The following DOCK3 variants were observed in gnomAD, a reference collection of about 807,000 sequenced individuals.
The protein encoded by DOCK3 is dedicator of cytokinesis protein 3.
A neutral mutation model predicts 265.6 loss-of-function variants in DOCK3; 60 were observed. That is an observed-to-expected ratio of 0.23 (90% confidence interval 0.18 to 0.28). The LOEUF (loss-of-function observed/expected upper bound fraction) is 0.28, where lower values mean the gene tolerates loss of function less well. DOCK3 is among the 10% of genes least tolerant of loss of function. The pLI, the probability that DOCK3 is intolerant of heterozygous loss-of-function variation, is 1.00. For synonymous variants in DOCK3, 881 were observed against 938.0 expected (o/e 0.94, Z 1.11); for missense variants, 1,981 against 2,594.3 (o/e 0.76, Z 5.14).
At chr3:50,796,312 T>C (rs2042778460) in intron 2 of DOCK3, among the ~76,000 whole-genome samples, 1 of 151,898 alleles carries the variant, frequency 6.6e-6, no homozygotes, top group South Asian at 2.1e-4. Flanking sequence ...ATTACAGGCG[T>C]GAGCCACCAT....
chr3:51,107,805 G>A (rs749128614), intron 9 of DOCK3, among the ~76,000 whole-genome samples: 26 of 152,044 alleles, frequency 1.7e-4, no homozygotes, highest in Non-Finnish European at 3.1e-4. Context: ...CTAGCTAGAG[G>A]GCCAACATTC....
rs767875749 is a variant in DOCK3 at position 51,208,740 on chromosome 3, C to T, written c.1038-34C>T. The T allele has an allele frequency of 5.8e-6, 9 of 1,561,156 alleles. No individual in the cohort carries two copies. The East Asian group carries it at 1.4e-4, about 24-fold the overall frequency. The stretch of plus-strand genomic sequence containing the variant: ...AACATCAGACCAGTTGTTTAAAATA[C>T]TTGAGTACCATAACACCTGTCCTTC... On this transcript the variant is annotated intron_variant, in intron 12 of 52. Coordinates refer to ENST00000266037, the MANE Select transcript of DOCK3 (RefSeq NM_004947.5).
At chr3:51,140,431 A>G (rs1273490734) in intron 9 of DOCK3, among the ~76,000 whole-genome samples, 1 of 152,182 alleles carries the variant, frequency 6.6e-6, no homozygotes, top group Non-Finnish European at 1.5e-5. Context: ...ATGTGTCAGT[A>G]CTTCATTACT....
intron 1 of DOCK3, among the ~76,000 whole-genome samples, chr3:50,685,988 T>G (rs141587294): frequency 1.3e-5 from 2 of 152,306 alleles, no homozygotes; most frequent in African/African-American, 4.8e-5. Context: ...ACTGGTTTTG[T>G]GGAAGGTAGT....
intron 1 of DOCK3, among the ~76,000 whole-genome samples, chr3:50,682,778 A>C (rs1437696236): frequency 2.6e-5 from 4 of 152,220 alleles, no homozygotes; most frequent in African/African-American, 9.7e-5. Context: ...GCCTCTACTA[A>C]AAATATAAAA....
intron 5 of DOCK3, among the ~76,000 whole-genome samples, chr3:51,024,464 G>A (rs1340150556): frequency 6.6e-6 from 1 of 152,180 alleles, no homozygotes; most frequent in African/African-American, 2.4e-5. Flanking sequence ...CCTTGATGAA[G>A]GTAACTGGGG....
intron 27 of DOCK3, among the ~76,000 whole-genome samples, chr3:51,286,139 A>G (rs2081391910): frequency 6.6e-6 from 1 of 152,218 alleles, no homozygotes; most frequent in Admixed American, 6.5e-5. Context: ...ACAAAAATCG[A>G]TGTAAAAAAT....
chr3:50,948,125 C>T (rs1019546522), intron 5 of DOCK3, among the ~76,000 whole-genome samples: 27 of 143,910 alleles, frequency 1.9e-4, no homozygotes, highest in Non-Finnish European at 3.2e-4. Flanking sequence ...GGCGCGATCT[C>T]GGCTCACTGC....
intron 5 of DOCK3, among the ~76,000 whole-genome samples, chr3:50,954,056 A>AT (rs2076665916): frequency 1.3e-5 from 2 of 151,804 alleles, no homozygotes; most frequent in South Asian, 4.1e-4. Flanking sequence ...CATCTCTAGA[A>AT]TTTTTTTTCA....
chr3:51,067,587 C>T (rs1157330494), intron 6 of DOCK3, among the ~76,000 whole-genome samples: 1 of 151,964 alleles, frequency 6.6e-6, no homozygotes, highest in African/African-American at 2.4e-5. Context: ...TACTTTCCGT[C>T]TTCTTTTCTT....
At chr3:50,706,569 G>C (rs2036426192) in intron 1 of DOCK3, among the ~76,000 whole-genome samples, 1 of 152,114 alleles carries the variant, frequency 6.6e-6, no homozygotes, top group African/African-American at 2.4e-5. Context: ...GTGCCTTGGA[G>C]AAAACCTTAT....
At chr3:51,160,406 T>A in intron 11 of DOCK3, 149 bp from the exon 12 acceptor site, 1 of 955,874 alleles carries the variant, frequency 1.0e-6, no homozygotes, top group Non-Finnish European at 1.5e-6. Flanking sequence ...CACATAAATA[T>A]CCTTGGATGA....
chr3:50,745,720 G>A (rs2039385360), intron 1 of DOCK3, among the ~76,000 whole-genome samples: 1 of 152,192 alleles, frequency 6.6e-6, no homozygotes, highest in African/African-American at 2.4e-5. Context: ...AGGGGATGAG[G>A]AATGAGCAAA....
At chr3:51,107,336 A>G (rs985520941) in intron 9 of DOCK3, among the ~76,000 whole-genome samples, 1 of 152,244 alleles carries the variant, frequency 6.6e-6, no homozygotes, top group Non-Finnish European at 1.5e-5. Context: ...ACAGTTCTCC[A>G]ACAAGGGTTC....
intron 9 of DOCK3, among the ~76,000 whole-genome samples, chr3:51,100,675 G>A (rs1158492486): frequency 6.6e-6 from 1 of 152,104 alleles, no homozygotes; most frequent in East Asian, 1.9e-4. Flanking sequence ...ATTCTCTTCA[G>A]AATATAGCAG....
intron 2 of DOCK3, among the ~76,000 whole-genome samples, chr3:50,794,330 A>G (rs1314497185): frequency 2.0e-5 from 3 of 152,144 alleles, no homozygotes; most frequent in South Asian, 4.1e-4. Flanking sequence ...TGTCAGTGGC[A>G]TGTTGAAGTT....
In DOCK3 at chr3:50,943,825, G is replaced by A. The variant is rs532720465; in HGVS notation, c.315+9748G>A. ...TTGGTGGTTTTGTGGACTAGAAGAG[G>A]GCTTTAGATCTGGGCTGGAATCTGG... On this transcript the variant is annotated intron_variant, in intron 5 of 52. Coordinates refer to ENST00000266037, the MANE Select transcript of DOCK3 (RefSeq NM_004947.5). 2.0e-5 allele frequency among the ~76,000 whole-genome samples: 3 copies of A among 152,132 alleles called. No individual in the cohort carries two copies. In the South Asian group the frequency reaches 6.2e-4, roughly 32 times the overall value.
At chr3:50,693,683 C>G (rs1201953450) in intron 1 of DOCK3, among the ~76,000 whole-genome samples, 1 of 151,566 alleles carries the variant, frequency 6.6e-6, no homozygotes, top group African/African-American at 2.4e-5. Flanking sequence ...CTGCAGGCAC[C>G]TGCCACCACA....
intron 3 of DOCK3, among the ~76,000 whole-genome samples, chr3:50,854,473 C>G (rs528875639): frequency 1.5e-4 from 22 of 149,654 alleles, no homozygotes; most frequent in Admixed American, 6.7e-4. Flanking sequence ...CTCTGTCATC[C>G]AGGCTGGAGT....
Sources: allele counts gnomAD v4.1 joint callset (sites outside exome capture counted in the v4.1 genomes callset), GRCh38; gene constraint gnomAD v4.1.1; transcripts MANE v1.5; gene names NCBI Gene and HGNC (gene_info 2026-07-23, HGNC 2026-07-21).